The following GDNF variants were observed in gnomAD, a reference collection of about 807,000 sequenced individuals.
GDNF encodes glial cell derived neurotrophic factor, also known as glial cell line-derived neurotrophic factor.
In GDNF, 5 loss-of-function variants were observed where a neutral mutation model predicts 13.7. That is an observed-to-expected ratio of 0.36 (90% CI 0.19 to 0.77). The LOEUF is 0.77. Among genes scored for constraint, GDNF ranks in the 30% least tolerant of loss-of-function variants. The probability of loss-of-function intolerance (pLI) is 0.51; values close to 1 mark genes in which losing one functional copy is unlikely to be tolerated. For missense variants in GDNF, 246 were observed against 274.3 expected (o/e 0.90, Z 0.73); for synonymous variants, 122 against 112.5 (o/e 1.08, Z -0.53).
In GDNF at chr5:37,834,426, C is replaced by G. The variant is rs772504130; in HGVS notation, c.151+220G>C. Among the ~76,000 whole-genome samples, 246 of 152,216 alleles carry G rather than the reference C, an allele frequency of 1.6e-3. 1 individual carries two copies. The highest frequency in any genetic ancestry group is 3.1e-3 in the Non-Finnish European group (210 of 68,032). On this transcript the variant is annotated intron_variant, in intron 2 of 2. Coordinates refer to ENST00000326524, the MANE Select transcript of GDNF (RefSeq NM_000514.4). ...GAGCAGCATAAAAATTCCATCCCCT[C>G]TGTGCTGGGCAAACCAGCGCGTGTC...
intron 2 of GDNF, among the ~76,000 whole-genome samples, chr5:37,816,743 C>T (rs7731209): frequency 0.19 from 28,460 of 152,086 alleles, 3,214 homozygotes; most frequent in African/African-American, 0.31. Context: ...TGGCTACCTT[C>T]ATCTGGAATA....
At chr5:37,830,020 GA>G (rs1381655217) in intron 2 of GDNF, among the ~76,000 whole-genome samples, 4 of 152,204 alleles carry the variant, frequency 2.6e-5, no homozygotes, top group African/African-American at 9.6e-5. Flanking sequence ...TAAGCGATAA[GA>G]CACAACAGAT....
chr5:37,831,022 G>T (rs895258670), intron 2 of GDNF, among the ~76,000 whole-genome samples: 1 of 152,172 alleles, frequency 6.6e-6, no homozygotes, highest in South Asian at 2.1e-4. Context: ...GTTTACATAG[G>T]TTTTTGTGGG....
chr5:37,823,973 T>G, intron 2 of GDNF: 1 of 755,990 alleles, frequency 1.3e-6, no homozygotes, highest in Non-Finnish European at 1.6e-6. Context: ...ACAGGAGGTA[T>G]TTTAGAACTC....
intron 2 of GDNF, among the ~76,000 whole-genome samples, chr5:37,822,287 G>A (rs966673878): frequency 6.6e-6 from 1 of 152,176 alleles, no homozygotes; most frequent in Non-Finnish European, 1.5e-5. Flanking sequence ...GCTGATGCAG[G>A]GGCCCCAGAG....
At chr5:37,819,312 C>T (rs1750038263) in intron 2 of GDNF, among the ~76,000 whole-genome samples, 1 of 152,136 alleles carries the variant, frequency 6.6e-6, no homozygotes, top group South Asian at 2.1e-4. Context: ...TGTCTCCAAA[C>T]CACCTTTCCT....
At position 37,814,338 on chromosome 5, in the gene GDNF, A is replaced by G. The variant is rs552396877; in HGVS notation, c.*1313T>C. On this transcript the variant is annotated 3_prime_UTR_variant, in exon 3 of 3. Transcript: ENST00000326524. ...AGTGGAGCCCACGACATTTCTGTTCAGCAATGGAGCAAGGAAGAAATAAAG... is the reference window on the plus strand; with the variant it reads ...AGTGGAGCCCACGACATTTCTGTTCGGCAATGGAGCAAGGAAGAAATAAAG... 2.1e-4 allele frequency: 32 copies of G among 152,474 alleles called. No individual in the cohort carries two copies. Among genetic ancestry groups the G allele is most frequent in the African/African-American group, 7.2e-4 (30 of 41,582 alleles). The allele number at this position is 152,474 out of a possible 1,614,324, so 9.4% of individuals were successfully genotyped here. A position where few individuals can be genotyped will look rare whatever the true frequency, so the allele number is the denominator to read the frequency against.
intron 2 of GDNF, among the ~76,000 whole-genome samples, chr5:37,829,813 C>A (rs1750455933): frequency 6.6e-6 from 1 of 152,166 alleles, no homozygotes; most frequent in African/African-American, 2.4e-5. Flanking sequence ...TTTCTCTAAG[C>A]AGTAACAGTT....
intron 1 of GDNF, chr5:37,835,435 G>T (rs1750671444): frequency 7.0e-7 from 1 of 1,437,554 alleles, no homozygotes; most frequent in Non-Finnish European, 9.1e-7. Context: ...ACCTAAATAG[G>T]TATTCTGTTG....
rs1254722964 is a variant in GDNF at position 37,825,600 on chromosome 5, CA to C, written c.151+9045del. Among the ~76,000 whole-genome samples, 10 of 152,242 alleles carry C rather than the reference CA, an allele frequency of 6.6e-5. No individual in the cohort carries two copies. The East Asian group carries it at 1.9e-3, about 29-fold the overall frequency. On this transcript the variant is annotated intron_variant, in intron 2 of 2. Transcript: ENST00000326524. Reference sequence around the variant, plus strand: ...CAGTAAAATTAAGTGCACAAAAAGCCACTAGGGCAAATCATCCCTGTGGTGT... The same window carrying C: ...CAGTAAAATTAAGTGCACAAAAAGCCCTAGGGCAAATCATCCCTGTGGTGT...
At chr5:37,822,381 G>T (rs1416268773) in intron 2 of GDNF, among the ~76,000 whole-genome samples, 2 of 152,310 alleles carry the variant, frequency 1.3e-5, no homozygotes, top group East Asian at 3.9e-4. Context: ...GGAAGGGTGA[G>T]GGCTAATGGG....
At chr5:37,816,917 A>G (rs567970816) in intron 2 of GDNF, among the ~76,000 whole-genome samples, 34 of 152,370 alleles carry the variant, frequency 2.2e-4, no homozygotes, top group Middle Eastern at 6.8e-3. Context: ...TAACAAAAAG[A>G]CTAATTTACC....
At chr5:37,818,059 T>C (rs1207009838) in intron 2 of GDNF, among the ~76,000 whole-genome samples, 1 of 152,184 alleles carries the variant, frequency 6.6e-6, no homozygotes, top group Non-Finnish European at 1.5e-5. Context: ...CCCGTCTAGC[T>C]ACCCTGGCTT....
chr5:37,829,886 T>G (rs976252966), intron 2 of GDNF, among the ~76,000 whole-genome samples: 5 of 152,192 alleles, frequency 3.3e-5, no homozygotes, highest in Admixed American at 3.3e-4. Flanking sequence ...AAGTAAAGAA[T>G]CAGTGCCTCC....
chr5:37,824,274 A>G (rs1356941173), intron 2 of GDNF: 2 of 152,330 alleles, frequency 1.3e-5, no homozygotes, highest in Non-Finnish European at 2.9e-5. Context: ...CATCACCCAA[A>G]AGTCAAACAC....
intron 1 of GDNF, chr5:37,835,943 G>A: frequency 4.1e-6 from 2 of 486,954 alleles, no homozygotes; most frequent in Non-Finnish European, 7.4e-6. Context: ...CCCTACAAAG[G>A]AGGGCCACGC....
intron 2 of GDNF, among the ~76,000 whole-genome samples, chr5:37,816,745 T>C (rs953215772): frequency 6.6e-6 from 1 of 152,182 alleles, no homozygotes; most frequent in Admixed American, 6.5e-5. Flanking sequence ...GCTACCTTCA[T>C]CTGGAATACT....
In GDNF at chr5:37,838,670, T is replaced by G. The variant is rs982314098; in HGVS notation, c.-27+837A>C. On this transcript the variant is annotated intron_variant, in intron 1 of 2. Transcript: ENST00000326524. This position sits in a 1 kb window ranked among gnomAD's most constrained non-coding sequence, Gnocchi z 4.1. ...AGTCCGTTTCCAGCCCGAAGAGGGT[T>G]CGTTTTTCTTCGTTGGGGCAGGAAA... Among the ~76,000 whole-genome samples, 9 of 152,210 alleles carry G rather than the reference T, an allele frequency of 5.9e-5. No individual in the cohort carries two copies. Among genetic ancestry groups the G allele is most frequent in the African/African-American group, 1.2e-4 (5 of 41,454 alleles).
chr5:37,833,151 G>C (rs1750578727), intron 2 of GDNF, among the ~76,000 whole-genome samples: 1 of 152,184 alleles, frequency 6.6e-6, no homozygotes, highest in African/African-American at 2.4e-5. Flanking sequence ...TTTGTAATCA[G>C]GCACAGTCAT....
Sources: gnomAD v4.1 joint callset for allele counts (sites outside exome capture counted in the v4.1 genomes callset) on GRCh38, gnomAD v4.1.1 for gene constraint, Gnocchi (gnomAD v3.1) non-coding constraint, MANE v1.5 for transcripts, NCBI Gene and HGNC (gene_info 2026-07-23, HGNC 2026-07-21) for gene names.